Variants in ABCC12 observed in about 807,000 individuals in gnomAD.
ABCC12 encodes ATP binding cassette subfamily C member 12.
In ABCC12, 142 loss-of-function variants were observed where a neutral mutation model predicts 151.1. The observed-to-expected ratio is 0.94, with a 90% CI of 0.82 to 1.08. ABCC12 has a LOEUF of 1.08. ABCC12 is among the 50% of genes least tolerant of loss of function. The pLI, the probability that ABCC12 is intolerant of heterozygous loss-of-function variation, is 0.00. For synonymous variants in ABCC12, 645 were observed against 646.4 expected (o/e 1.00, Z 0.03); for missense variants, 1,638 against 1,691.1 (o/e 0.97, Z 0.55).
At chr16:48,121,657 T>C (rs1815731943) in intron 13 of ABCC12, 59 bp downstream of exon 13, 4 of 1,593,860 alleles carry the variant, frequency 2.5e-6, no homozygotes, top group African/African-American at 1.3e-5. Context: ...AGCATCAGCA[T>C]CTGTAGGAGA....
At chr16:48,128,910 T>C (rs1964330963) in intron 10 of ABCC12, among the ~76,000 whole-genome samples, 173 bp from the exon 11 acceptor site, 1 of 152,236 alleles carries the variant, frequency 6.6e-6, no homozygotes, top group Admixed American at 6.5e-5. Context: ...AATAGTCCAC[T>C]AGCTCATGCT....
intron 29 of ABCC12, 108 bp from the exon 30 acceptor site, chr16:48,084,181 G>T: frequency 8.6e-7 from 1 of 1,168,200 alleles, no homozygotes; most frequent in Non-Finnish European, 1.2e-6. Context: ...AAGACCACAA[G>T]ATGAAAAGTA....
At chr16:48,119,430 T>C (rs1963996209) in intron 13 of ABCC12, among the ~76,000 whole-genome samples, 1 of 152,250 alleles carries the variant, frequency 6.6e-6, no homozygotes, top group Admixed American at 6.5e-5. Context: ...CTGAACATCA[T>C]TTTGATGAAT....
chr16:48,138,204 T>G, intron 8 of ABCC12, 24 bp downstream of exon 8: 1 of 1,582,950 alleles, frequency 6.3e-7, no homozygotes, highest in East Asian at 2.3e-5. Context: ...TAAGTGGTTC[T>G]TTAAGCAGCT....
chr16:48,141,687 G>C (rs545879040), intron 4 of ABCC12, among the ~76,000 whole-genome samples: 2 of 152,312 alleles, frequency 1.3e-5, no homozygotes, highest in East Asian at 3.9e-4. Context: ...TCAGTGCAGC[G>C]AAGACATTGT....
intron 24 of ABCC12, among the ~76,000 whole-genome samples, chr16:48,094,994 A>T (rs1259698076): frequency 6.6e-6 from 1 of 152,232 alleles, no homozygotes; most frequent in Admixed American, 6.5e-5. Context: ...AACAAAAAGA[A>T]AAACTACCTC....
At position 48,128,647 on chromosome 16, in the gene ABCC12, A is replaced by C; in HGVS notation, c.1327T>G (p.Trp443Gly). ...CTTTTCCTGCTGGCTTCATGCTCCC[A>C]TGTCAAGGTGGCATTTGCTAAAAGC... ...VLLLANATLT[W>G]EHEASRKSTP... Residue 443 changes from tryptophan (W) to glycine (G), a missense_variant, in exon 11 of 31, where the codon TGG becomes GGG. Trp to Gly is a radical substitution (Grantham distance 184). Transcript: ENST00000311303. The C allele has an allele frequency of 6.2e-7, 1 of 1,614,044 alleles. No homozygotes were observed. Among genetic ancestry groups the C allele is most frequent in the Non-Finnish European group, 8.5e-7 (1 of 1,179,998 alleles).
Position 48,140,696 on chromosome 16 carries a change from AGAG to A in ABCC12, c.645_647del (p.Ser216del). The A allele has an allele frequency of 6.2e-7, 1 of 1,613,938 alleles. No individual in the cohort carries two copies. Among genetic ancestry groups the A allele is most frequent in the Non-Finnish European group, 8.5e-7 (1 of 1,179,818 alleles). ...CTCTGAGCCAGCTTACCTCGCCAAC[AGAG>A]ATGTGGGTCAATGTCTTGAAGGACA... On this transcript the variant is annotated inframe_deletion, in exon 6 of 31. Transcript: ENST00000311303.
chr16:48,081,717 A>G lies in ABCC12; in HGVS notation c.*1998T>C, dbSNP rs1962351494. Among the ~76,000 whole-genome samples, 1 of 152,226 alleles carries G rather than the reference A, an allele frequency of 6.6e-6. No homozygotes were observed. Among genetic ancestry groups the G allele is most frequent in the Non-Finnish European group, 1.5e-5 (1 of 68,032 alleles). ...AATGTCGGTGTTCTTCTTCTGCCAG[A>G]GTAAACCAAAGCGAGTGTGGGCAGA... On this transcript the variant is annotated 3_prime_UTR_variant, in exon 31 of 31. Transcript: ENST00000311303.
chr16:48,148,134 G>C lies in ABCC12; in HGVS notation c.-50-1660C>G, dbSNP rs541634563. ...GGCTAATTTTTGTATTTTTAGTAGA[G>C]ACAGGGTTTTGCCATATTGGCCAGG... On this transcript the variant is annotated intron_variant, in intron 2 of 30. Transcript: ENST00000311303. Among the ~76,000 whole-genome samples, 10 of 151,990 alleles carry C rather than the reference G, an allele frequency of 6.6e-5. No individual in the cohort carries two copies. In the South Asian group the frequency reaches 2.1e-3, roughly 32 times the overall value.
Position 48,120,551 on chromosome 16 carries a change from G to T in ABCC12, c.1712+1165C>A, listed in dbSNP as rs148051317. ...TCCACGGTGATCACGGTATTAATGA[G>T]TTTTTTGTTTTTTTTTTTTTTTGAG... On this transcript the variant is annotated intron_variant, in intron 13 of 30. Coordinates refer to ENST00000311303, the MANE Select transcript of ABCC12 (RefSeq NM_001393797.1). Among the ~76,000 whole-genome samples the T allele has an allele frequency of 4.7e-3, 701 of 148,226 alleles. 3 individuals carry two copies. The highest frequency in any genetic ancestry group is 0.018 in the African/African-American group (687 of 38,736).
Position 48,083,465 on chromosome 16 carries a change from T to G in ABCC12, c.*250A>C. 1 of 453,870 alleles carries G rather than the reference T, an allele frequency of 2.2e-6. No individual in the cohort carries two copies. Among genetic ancestry groups the G allele is most frequent in the Non-Finnish European group, 3.8e-6 (1 of 260,158 alleles). The allele number at this position is 453,870 out of a possible 1,614,324, so 28.1% of individuals were successfully genotyped here. ...GAGGAACCCTTGGGGATTTGGGAGG[T>G]GAAGGGCAGTTTTTTAATCCATTAG... On this transcript the variant is annotated 3_prime_UTR_variant, in exon 31 of 31. Coordinates refer to ENST00000311303, the MANE Select transcript of ABCC12 (RefSeq NM_001393797.1).
In ABCC12 at chr16:48,100,992, A is replaced by C; in HGVS notation, c.2918T>G (p.Val973Gly). 1 of 1,613,932 alleles carries C rather than the reference A, an allele frequency of 6.2e-7. No homozygotes were observed. The highest frequency in any genetic ancestry group is 8.5e-7 in the Non-Finnish European group (1 of 1,179,956). Residue 973 changes from valine (V) to glycine (G), a missense_variant, in exon 23 of 31, where the codon GTC becomes GGC. By Grantham distance (109) the Val-to-Gly change is moderately radical. Coordinates refer to ENST00000311303, the MANE Select transcript of ABCC12 (RefSeq NM_001393797.1). Reference protein sequence around the residue: ...FILLRIFHRGVQELKKVENVS... With the variant: ...FILLRIFHRGGQELKKVENVS... ...ATTCTCCACCTTCTTGAGCTCCTGG[A>C]CTCCTCTGTGGAAAATGCTGGAAGA...
intron 11 of ABCC12, among the ~76,000 whole-genome samples, chr16:48,124,829 C>T (rs989976288): frequency 6.6e-6 from 1 of 152,212 alleles, no homozygotes; most frequent in African/African-American, 2.4e-5. Context: ...ACTGTTCCAA[C>T]CACCAGCAAG....
intron 11 of ABCC12, 55 bp from the exon 12 acceptor site, chr16:48,124,339 C>G: frequency 6.3e-7 from 1 of 1,576,100 alleles, no homozygotes. Context: ...CTTAGAGGGT[C>G]TGGCCCAAAG....
chr16:48,106,392 G>A lies in ABCC12; in HGVS notation c.2475+930C>T, dbSNP rs28570519. Among the ~76,000 whole-genome samples the A allele has an allele frequency of 7.1e-3, 1,088 of 152,256 alleles. 8 individuals are homozygous for A. The highest frequency in any genetic ancestry group is 0.024 in the African/African-American group (989 of 41,524). On this transcript the variant is annotated intron_variant, in intron 20 of 30. Transcript: ENST00000311303. ...ACATACAGTGTCTGGGGCACCAGGG[G>A]CAAACACATGGTTCAGCCACCATGG... is the stretch of plus-strand genomic sequence containing the variant.
chr16:48,130,383 G>T (rs1263015624), intron 10 of ABCC12, among the ~76,000 whole-genome samples: 1 of 152,150 alleles, frequency 6.6e-6, no homozygotes, highest in Non-Finnish European at 1.5e-5. Flanking sequence ...TGAATAAAGG[G>T]ACTAAATGAG....
chr16:48,100,538 G>GCA (rs536905838), intron 23 of ABCC12, among the ~76,000 whole-genome samples: 210 of 152,222 alleles, frequency 1.4e-3, no homozygotes, highest in African/African-American at 4.7e-3. Context: ...AAAATTAATA[G>GCA]GTTTGGGTTT....
rs757028609 is a variant in ABCC12, at chr16:48,140,799, A to G, written c.545T>C (p.Leu182Pro). ...CGTGCGGTAGTTGATGGCCCAGGCA[A>G]GGGCCCAAAAGAAGACTTTGGTAAA... ...TEFTKVFFWA[L>P]AWAINYRTAI... The change falls in exon 6 of 31, where the codon CTT becomes CCT. Residue 182 changes from leucine (L) to proline (P), a missense_variant. Coordinates refer to ENST00000311303, the MANE Select transcript of ABCC12 (RefSeq NM_001393797.1). 3 of 1,608,446 alleles carry G rather than the reference A, an allele frequency of 1.9e-6. No individual in the cohort carries two copies. The highest frequency in any genetic ancestry group is 2.6e-6 in the Non-Finnish European group (3 of 1,175,842).
Sources: allele counts gnomAD v4.1 joint callset (sites outside exome capture counted in the v4.1 genomes callset), GRCh38; gene constraint gnomAD v4.1.1; transcripts MANE v1.5; gene names NCBI Gene and HGNC (gene_info 2026-07-23, HGNC 2026-07-21).